DCC: variants seen among roughly 807,000 people sequenced by gnomAD.
DCC encodes DCC netrin 1 receptor, also known as netrin receptor DCC.
Under a neutral mutation model 172.5 loss-of-function variants are expected in DCC, and 58 were observed. The ratio of observed to expected loss-of-function variants is 0.34; its 90% CI spans 0.27 to 0.42. DCC has a LOEUF of 0.42. Ranked by LOEUF, DCC falls within the 10% of genes least tolerant of loss-of-function variation. The probability of loss-of-function intolerance (pLI) is 1.00; values close to 1 mark genes in which losing one functional copy is unlikely to be tolerated. For missense variants in DCC, 1,740 were observed against 1,791.0 expected (o/e 0.97, Z 0.51); for synonymous variants, 709 against 644.5 (o/e 1.10, Z -1.52).
At chr18:53,215,174 G>A (rs952361771) in intron 11 of DCC, among the ~76,000 whole-genome samples, 4 of 152,020 alleles carry the variant, frequency 2.6e-5, no homozygotes, top group Admixed American at 6.6e-5. Flanking sequence ...TCTGAAATGC[G>A]CAATATCTTA....
At chr18:52,920,937 T>C (rs2040115265) in intron 3 of DCC, among the ~76,000 whole-genome samples, 1 of 152,154 alleles carries the variant, frequency 6.6e-6, no homozygotes, top group African/African-American at 2.4e-5. Context: ...GCTATGTACT[T>C]TATGATTCTA....
chr18:53,116,050 G>C (rs1368249172), intron 7 of DCC, among the ~76,000 whole-genome samples: 1 of 151,570 alleles, frequency 6.6e-6, no homozygotes, highest in African/African-American at 2.4e-5. Context: ...TGGGTTGAAC[G>C]ATCGTGACAC....
chr18:53,351,331 T>C (rs1360283776), intron 15 of DCC, among the ~76,000 whole-genome samples: 5 of 47,714 alleles, frequency 1.0e-4, no homozygotes, highest in African/African-American at 3.3e-4. Context: ...TATATATATA[T>C]ACAGTGTATA....
At chr18:52,694,926 T>C (rs2035988181) in intron 1 of DCC, among the ~76,000 whole-genome samples, 1 of 152,174 alleles carries the variant, frequency 6.6e-6, no homozygotes. Context: ...GAAGATACAA[T>C]TTCTAGAGCA....
chr18:52,701,184 T>G (rs2036117619), intron 1 of DCC, among the ~76,000 whole-genome samples: 1 of 152,236 alleles, frequency 6.6e-6, no homozygotes, highest in Non-Finnish European at 1.5e-5. Flanking sequence ...TCTTTCCAAG[T>G]GTTTTTACCT....
chr18:53,211,950 A>C (rs1291344339), intron 11 of DCC, among the ~76,000 whole-genome samples: 1 of 152,140 alleles, frequency 6.6e-6, no homozygotes, highest in East Asian at 1.9e-4. Context: ...CGGAAGGCTG[A>C]GGCAGGAGAA....
At position 53,051,777 on chromosome 18, in the gene DCC, T is replaced by C. The variant is rs528134168; in HGVS notation, c.986-11528T>C. Among the ~76,000 whole-genome samples, 17 of 152,228 alleles carry C rather than the reference T, an allele frequency of 1.1e-4. No individual in the cohort carries two copies. In the East Asian group the frequency reaches 3.1e-3, roughly 28 times the overall value. ...AATTTACTCTTCATCTTATATCTTA[T>C]ATATCTTTACGCCTCATCTTGTATC... On this transcript the variant is annotated intron_variant, in intron 5 of 28. Coordinates refer to ENST00000442544, the MANE Select transcript of DCC (RefSeq NM_005215.4).
chr18:52,481,590 G>T (rs1056608229), intron 1 of DCC, among the ~76,000 whole-genome samples: 5 of 151,824 alleles, frequency 3.3e-5, no homozygotes, highest in Non-Finnish European at 4.4e-5. Flanking sequence ...TTAAACCAAG[G>T]TTACGTGCAT....
At chr18:53,259,875 C>T (rs1252705153) in intron 12 of DCC, among the ~76,000 whole-genome samples, 2 of 151,392 alleles carry the variant, frequency 1.3e-5, no homozygotes, top group African/African-American at 4.9e-5. Flanking sequence ...GGTCTTTTCA[C>T]ATAGTCCCAT....
intron 27 of DCC, among the ~76,000 whole-genome samples, chr18:53,508,813 C>T (rs1424132002): frequency 6.6e-6 from 1 of 152,182 alleles, no homozygotes. Context: ...TTCCCTTAGT[C>T]TAGAGAAAAG....
intron 26 of DCC, among the ~76,000 whole-genome samples, chr18:53,490,219 T>C (rs1451870423): frequency 6.8e-6 from 1 of 146,224 alleles, no homozygotes; most frequent in African/African-American, 2.8e-5. Context: ...CTCTAGGGTA[T>C]TTTAAAAAAA....
chr18:53,219,885 A>G (rs2055904953), intron 12 of DCC, among the ~76,000 whole-genome samples: 2 of 152,148 alleles, frequency 1.3e-5, no homozygotes, highest in African/African-American at 2.4e-5. Context: ...AGATATTTTA[A>G]CATTCTTTGT....
At chr18:53,296,392 A>T (rs2057068420) in intron 12 of DCC, among the ~76,000 whole-genome samples, 4 of 152,118 alleles carry the variant, frequency 2.6e-5, no homozygotes, top group Admixed American at 2.6e-4. Flanking sequence ...TGGAACTTTC[A>T]CACGTTCTCA....
intron 1 of DCC, among the ~76,000 whole-genome samples, chr18:52,476,312 G>A (rs190961279): frequency 4.9e-4 from 75 of 152,160 alleles, no homozygotes; most frequent in African/African-American, 1.4e-3. Context: ...CCTGGCTGTC[G>A]GCATAACAAA....
intron 25 of DCC, among the ~76,000 whole-genome samples, chr18:53,475,222 T>C (rs927792232): frequency 2.0e-5 from 3 of 152,252 alleles, no homozygotes; most frequent in African/African-American, 7.2e-5. Flanking sequence ...CCCCTGACAA[T>C]ACAATAGAAA....
intron 15 of DCC, among the ~76,000 whole-genome samples, chr18:53,350,723 T>G (rs986854938): frequency 6.6e-6 from 1 of 152,072 alleles, no homozygotes; most frequent in Non-Finnish European, 1.5e-5. Context: ...AGTTGGAAAG[T>G]TGGTAATTCA....
intron 23 of DCC, among the ~76,000 whole-genome samples, chr18:53,450,945 G>C (rs1438434863): frequency 1.3e-5 from 2 of 152,118 alleles, no homozygotes; most frequent in Non-Finnish European, 2.9e-5. Flanking sequence ...GTGTTCCTTA[G>C]GTAACACCTA....
intron 2 of DCC, among the ~76,000 whole-genome samples, chr18:52,819,799 A>G (rs1318007500): frequency 6.6e-6 from 1 of 151,982 alleles, no homozygotes; most frequent in Non-Finnish European, 1.5e-5. Flanking sequence ...GCTCACTGCA[A>G]GCTCCGCCTC....
chr18:52,800,290 A>T (rs965716057), intron 2 of DCC, among the ~76,000 whole-genome samples: 1 of 152,202 alleles, frequency 6.6e-6, no homozygotes, highest in Non-Finnish European at 1.5e-5. Flanking sequence ...CAATGTTTTA[A>T]ATGAGTCATT....
Sources: gnomAD v4.1 joint callset for allele counts (sites outside exome capture counted in the v4.1 genomes callset) on GRCh38, gnomAD v4.1.1 for gene constraint, MANE v1.5 for transcripts, NCBI Gene and HGNC (gene_info 2026-07-23, HGNC 2026-07-21) for gene names.